TRAT1: variants seen among roughly 807,000 people sequenced by gnomAD.
TRAT1 encodes the protein T-cell receptor-associated transmembrane adapter 1.
TRAT1 carries 20 observed loss-of-function variants against 20.0 expected under a neutral mutation model. That is an observed-to-expected ratio of 1.00 (90% CI 0.70 to 1.45). The LOEUF (loss-of-function observed/expected upper bound fraction) is 1.45, where lower values mean the gene tolerates loss of function less well. TRAT1 is among the 40% of genes most tolerant of loss of function. TRAT1 has a pLI of 0.00. For missense variants in TRAT1, 237 were observed against 224.1 expected, an observed-to-expected ratio of 1.06 and a Z score of -0.37; for synonymous variants, 77 against 74.2, an observed-to-expected ratio of 1.04 and a Z score of -0.20.
chr3:108,826,408 A>C (rs1291894664), intron 1 of TRAT1, among the ~76,000 whole-genome samples: 1 of 152,168 alleles, frequency 6.6e-6, no homozygotes, highest in Non-Finnish European at 1.5e-5. Flanking sequence ...TCAGATTTGC[A>C]TTAAAAACAG....
At chr3:108,835,354 C>T (rs1945829517) in intron 2 of TRAT1, among the ~76,000 whole-genome samples, 1 of 152,240 alleles carries the variant, frequency 6.6e-6, no homozygotes, top group South Asian at 2.1e-4. Flanking sequence ...TGCTTTATAG[C>T]AAAGCATACA....
At chr3:108,851,651 T>C in intron 5 of TRAT1, among the ~76,000 whole-genome samples, 1 of 151,944 alleles carries the variant, frequency 6.6e-6, no homozygotes, top group East Asian at 1.9e-4. Context: ...AACACCTTAC[T>C]TGAACTGTTT....
chr3:108,850,220 A>G (rs1156627493), intron 5 of TRAT1, among the ~76,000 whole-genome samples: 2 of 152,072 alleles, frequency 1.3e-5, no homozygotes, highest in Non-Finnish European at 1.5e-5. Flanking sequence ...CTTCCCTAAA[A>G]TGGCTCACAT....
rs1946022743 is a variant in TRAT1, at chr3:108,853,910, CT to C, written c.*34del. The C allele has an allele frequency of 1.2e-6, 2 of 1,603,488 alleles. No homozygotes were observed. Among genetic ancestry groups the C allele is most frequent in the South Asian group, 2.2e-5 (2 of 90,054 alleles). The stretch of plus-strand genomic sequence containing the variant: ...ATGATCTAGTTCAATGATTTGGCTC[CT>C]ATTGAAGATGGCTTCTAAGAAAACA... On this transcript the variant is annotated 3_prime_UTR_variant, in exon 6 of 6. Transcript: ENST00000295756.
In TRAT1 at chr3:108,830,740, G is replaced by A; in HGVS notation, c.78G>A (p.Leu26=). Residue 26 remains leucine (L), a synonymous_variant, in exon 2 of 6, where the codon CTG becomes CTA. Transcript: ENST00000295756. ...TGGGCTTGGCTTTGGTTATATCACT[G>A]ATCTTCAATATTTCCCACTATGTGG... is the stretch of plus-strand genomic sequence containing the variant. ...ALLGLALVIS[L]IFNISHYVEK... is the part of the protein sequence containing the mutation. The A allele has an allele frequency of 6.2e-7, 1 of 1,613,842 alleles. No homozygotes were observed.
intron 2 of TRAT1, among the ~76,000 whole-genome samples, chr3:108,835,266 A>C (rs553058068): frequency 2.0e-5 from 3 of 152,348 alleles, no homozygotes; most frequent in African/African-American, 7.2e-5. Flanking sequence ...CCTGACCACA[A>C]GTGTTTGCAT....
chr3:108,835,926 TTTATTTA>T (rs1945836196), intron 2 of TRAT1, among the ~76,000 whole-genome samples: 1 of 69,026 alleles, frequency 1.4e-5, no homozygotes, highest in African/African-American at 4.1e-5. Context: ...TATTTATTTA[TTTATTTA>T]TTTTTTGAGA....
intron 2 of TRAT1, among the ~76,000 whole-genome samples, chr3:108,831,536 A>C (rs1264719666): frequency 7.0e-6 from 1 of 143,562 alleles, no homozygotes; most frequent in African/African-American, 2.6e-5. Context: ...GCTGGAAGGT[A>C]TCTTTTTTTT....
At chr3:108,852,833 A>G (rs1009098614) in intron 5 of TRAT1, among the ~76,000 whole-genome samples, 1 of 152,240 alleles carries the variant, frequency 6.6e-6, no homozygotes, top group African/African-American at 2.4e-5. Flanking sequence ...TCCCATGATC[A>G]CTGTATGGCA....
At chr3:108,843,394 T>C (rs1270960377) in intron 3 of TRAT1, among the ~76,000 whole-genome samples, 2 of 151,974 alleles carry the variant, frequency 1.3e-5, no homozygotes, top group Non-Finnish European at 2.9e-5. Context: ...GCTGGGCATG[T>C]CGTCATGCGC....
At chr3:108,849,284 C>T (rs1031060426) in intron 5 of TRAT1, 30 bp downstream of exon 5, 2 of 1,570,104 alleles carry the variant, frequency 1.3e-6, no homozygotes, top group African/African-American at 1.4e-5. Flanking sequence ...TCCACATTTG[C>T]ACATTTCAAG....
rs1055389246 is a variant in TRAT1 at position 108,830,535 on chromosome 3, T to C, written c.8-135T>C. On this transcript the variant is annotated intron_variant, in intron 1 of 5. Transcript: ENST00000295756. ...TTTGAAAACTGAAAAAAGTTATGAA[T>C]ATTAATTAGTTTCCCGGTAGAGACT... 7 of 592,464 alleles carry C rather than the reference T, an allele frequency of 1.2e-5. No homozygotes were observed. In the African/African-American group the frequency reaches 1.3e-4, roughly 11 times the overall value. 36.7% of individuals were successfully genotyped at this position (592,464 alleles called of 1,614,324 possible).
At chr3:108,827,384 A>ATGTGTGTGTG (rs71103493) in intron 1 of TRAT1, among the ~76,000 whole-genome samples, 82 of 145,214 alleles carry the variant, frequency 5.6e-4, no homozygotes, top group Middle Eastern at 3.5e-3. Flanking sequence ...GTATGTGTGT[A>ATGTGTGTGTG]TGTGTGTGTG....
At chr3:108,850,727 A>G (rs939820072) in intron 5 of TRAT1, among the ~76,000 whole-genome samples, 1 of 152,250 alleles carries the variant, frequency 6.6e-6, no homozygotes, top group Non-Finnish European at 1.5e-5. Context: ...GAAAACCTGC[A>G]TGATATAATA....
Position 108,826,049 on chromosome 3 carries a change from T to C in TRAT1, c.7+3115T>C, listed in dbSNP as rs767721792. Among the ~76,000 whole-genome samples, 5 of 152,156 alleles carry C rather than the reference T, an allele frequency of 3.3e-5. No homozygotes were observed. The South Asian group carries it at 1.0e-3, about 31-fold the overall frequency. ...TGTAGAAGCAATGAAGAGTCTAGCA[T>C]TGGAGGAATCATAATTTACTCTCTT... On this transcript the variant is annotated intron_variant, in intron 1 of 5. Transcript: ENST00000295756.
intron 1 of TRAT1, among the ~76,000 whole-genome samples, chr3:108,827,729 T>C (rs1945754586): frequency 6.6e-6 from 1 of 152,074 alleles, no homozygotes; most frequent in South Asian, 2.1e-4. Context: ...TCCCCAATAT[T>C]AGAACTTAGA....
At chr3:108,835,823 T>G (rs1945833969) in intron 2 of TRAT1, among the ~76,000 whole-genome samples, 1 of 151,998 alleles carries the variant, frequency 6.6e-6, no homozygotes, top group East Asian at 1.9e-4. Flanking sequence ...AGTTTTTGTC[T>G]TTTTTTTCTT....
chr3:108,834,980 A>C (rs918611890), intron 2 of TRAT1, among the ~76,000 whole-genome samples: 1 of 152,166 alleles, frequency 6.6e-6, no homozygotes, highest in Admixed American at 6.5e-5. Flanking sequence ...ATAGGAGTGC[A>C]TTCACTTTTT....
chr3:108,832,904 T>C (rs1052999960), intron 2 of TRAT1, among the ~76,000 whole-genome samples: 5 of 152,186 alleles, frequency 3.3e-5, no homozygotes, highest in Non-Finnish European at 7.3e-5. Flanking sequence ...TCAGGACTGG[T>C]ATAATTTCAC....
Sources: allele counts gnomAD v4.1 joint callset (sites outside exome capture counted in the v4.1 genomes callset), GRCh38; gene constraint gnomAD v4.1.1; transcripts MANE v1.5; gene names NCBI Gene and HGNC (gene_info 2026-07-23, HGNC 2026-07-21).